The following ATRX variants were observed in gnomAD, a reference collection of about 807,000 sequenced individuals.
ATRX encodes ATRX chromatin remodeler.
ATRX carries 12 observed loss-of-function variants against 172.6 expected under a neutral mutation model. The observed-to-expected ratio is 0.07, with a 90% CI of 0.04 to 0.11. ATRX has a LOEUF of 0.11. Ranked by LOEUF, ATRX falls within the 10% of genes least tolerant of loss-of-function variation. The pLI is 1.00. For missense variants in ATRX, 1,368 were observed against 1,767.4 expected (o/e 0.77, Z 4.05); for synonymous variants, 674 against 594.7 (o/e 1.13, Z -1.94).
rs1557097061 is a variant in ATRX, at chrX:77,616,713, T to C, written c.5466A>G (p.Ala1822=). 8.5e-7 allele frequency: 1 copy of C among 1,180,014 alleles called. No individual in the cohort carries two copies. Among genetic ancestry groups the C allele is most frequent in the South Asian group, 1.8e-5 (1 of 56,245 alleles). ...AGCVQRKDYT[A]LTKFLPPKHE... ...GTTTTGGAGGCAAGAATTTTGTTAATGCTGTATAATCTTTCCTCTGTAATT... is the reference window on the plus strand; with the variant it reads ...GTTTTGGAGGCAAGAATTTTGTTAACGCTGTATAATCTTTCCTCTGTAATT... The change falls in exon 22 of 35, where the codon GCA becomes GCG. Residue 1822 remains alanine, a synonymous_variant. Coordinates refer to ENST00000373344, the MANE Select transcript of ATRX (RefSeq NM_000489.6).
At chrX:77,640,963 T>C (rs1027258291) in intron 15 of ATRX, among the ~76,000 whole-genome samples, 6 of 111,343 alleles carry the variant, frequency 5.4e-5, no homozygotes, top group Admixed American at 2.9e-4. Context: ...CACATGGTGC[T>C]GGGAGGCATT....
intron 2 of ATRX, among the ~76,000 whole-genome samples, chrX:77,716,509 G>A (rs2073435582): frequency 9.3e-6 from 1 of 107,508 alleles, no homozygotes; most frequent in African/African-American, 3.4e-5. Flanking sequence ...CTAGCACTTC[G>A]GGAGGCCAAC....
At chrX:77,734,492 A>T (rs782254624) in intron 1 of ATRX, among the ~76,000 whole-genome samples, 5 of 112,275 alleles carry the variant, frequency 4.5e-5, no homozygotes, top group Non-Finnish European at 9.4e-5. Flanking sequence ...CGGAAGAATG[A>T]AACTAGACTC....
intron 1 of ATRX, among the ~76,000 whole-genome samples, chrX:77,785,062 A>C (rs1239323578): frequency 1.8e-5 from 2 of 111,730 alleles, no homozygotes; most frequent in African/African-American, 6.5e-5. Flanking sequence ...ACCCGTCAAG[A>C]GGCAAATCAG....
At chrX:77,595,979 T>A (rs1557083655) in intron 25 of ATRX, 1 of 111,583 alleles carries the variant, frequency 9.0e-6, no homozygotes, top group African/African-American at 3.3e-5. Context: ...CATAGTCATT[T>A]CGTGATCATG....
chrX:77,646,093 C>A (rs1557113499), intron 15 of ATRX, among the ~76,000 whole-genome samples: 1 of 111,454 alleles, frequency 9.0e-6, no homozygotes, highest in Non-Finnish European at 1.9e-5. Flanking sequence ...CACAAAATGG[C>A]AGAAGTAAAT....
chrX:77,782,007 A>G lies in ATRX; in HGVS notation c.20+3975T>C, dbSNP rs1454900501. ...TATCTTATCTCTAGAAATACAATAC[A>G]TAACTGAAAGCTCAAGGCCAACTAT... On this transcript the variant is annotated intron_variant, in intron 1 of 34. Coordinates refer to ENST00000373344, the MANE Select transcript of ATRX (RefSeq NM_000489.6). Among the ~76,000 whole-genome samples, 6 of 112,383 alleles carry G rather than the reference A, an allele frequency of 5.3e-5. No homozygotes were observed. In the East Asian group the frequency reaches 1.1e-3, roughly 21 times the overall value.
intron 15 of ATRX, among the ~76,000 whole-genome samples, chrX:77,638,334 G>A (rs918454272): frequency 1.8e-5 from 2 of 112,374 alleles, no homozygotes; most frequent in African/African-American, 3.2e-5. Flanking sequence ...TTAGCCAAGC[G>A]CAGTGGCGCG....
intron 1 of ATRX, among the ~76,000 whole-genome samples, chrX:77,718,630 T>C (rs1313405579): frequency 9.0e-6 from 1 of 111,249 alleles, no homozygotes; most frequent in Admixed American, 9.6e-5. Flanking sequence ...CATCTCGGCC[T>C]CCCAAAGTGC....
At chrX:77,734,710 G>A (rs938019134) in intron 1 of ATRX, among the ~76,000 whole-genome samples, 1 of 109,791 alleles carries the variant, frequency 9.1e-6, no homozygotes, top group Admixed American at 9.7e-5. Flanking sequence ...TCGCTTGAAC[G>A]CAGGAGGCAG....
intron 30 of ATRX, among the ~76,000 whole-genome samples, chrX:77,529,168 AC>A (rs782796913): frequency 5.5e-4 from 62 of 111,953 alleles, no homozygotes; most frequent in African/African-American, 2.0e-3. Flanking sequence ...AGGAGACCAA[AC>A]CTACGACTGA....
rs1557096992 is a variant in ATRX at position 77,616,637 on chromosome X, G to C, written c.5542C>G (p.Gln1848Glu). ...RMTSIQCKLY[Q>E]YYLDHLTGVG... The stretch of plus-strand genomic sequence containing the variant: ...CCTGTTAAGTGATCTAAGTAGTACT[G>C]ATAGAGCTTGCACTGAATAGAAGTC... Residue 1848 changes from glutamine (Q) to glutamate (E), a missense_variant, in exon 22 of 35, where the codon CAG (glutamine) becomes GAG (glutamate). Coordinates refer to ENST00000373344, the MANE Select transcript of ATRX (RefSeq NM_000489.6). 4 of 1,198,180 alleles carry C rather than the reference G, an allele frequency of 3.3e-6. No individual in the cohort carries two copies. The highest frequency in any genetic ancestry group is 3.0e-5 in the East Asian group (1 of 33,617).
chrX:77,648,145 A>C lies in ATRX; in HGVS notation c.4557+3969T>G, dbSNP rs782221300. Among the ~76,000 whole-genome samples the C allele has an allele frequency of 2.7e-5, 3 of 111,888 alleles. No homozygotes were observed. In the East Asian group the frequency reaches 8.3e-4, roughly 31 times the overall value. On this transcript the variant is annotated intron_variant, in intron 15 of 34. Coordinates refer to ENST00000373344, the MANE Select transcript of ATRX (RefSeq NM_000489.6). ...TCCAGCAAACATGAAGCAAAATCTGAGAGACCTACAAGGAGAAAGAGATGA... is the reference window on the plus strand; with the variant it reads ...TCCAGCAAACATGAAGCAAAATCTGCGAGACCTACAAGGAGAAAGAGATGA...
chrX:77,609,446 C>T (rs181829407), intron 22 of ATRX, among the ~76,000 whole-genome samples: 8 of 111,810 alleles, frequency 7.2e-5, no homozygotes, highest in Admixed American at 1.9e-4. Flanking sequence ...TGAAACAGCA[C>T]GAAAGACAAA....
intron 15 of ATRX, among the ~76,000 whole-genome samples, chrX:77,648,625 T>C (rs1244498329): frequency 3.8e-5 from 1 of 26,576 alleles, no homozygotes; most frequent in African/African-American, 6.6e-5. Flanking sequence ...CAAAGCTGCG[T>C]TTTTTTTTTT....
intron 30 of ATRX, among the ~76,000 whole-genome samples, chrX:77,528,601 A>G (rs917771156): frequency 1.8e-4 from 20 of 110,276 alleles, no homozygotes; most frequent in Non-Finnish European, 3.4e-4. Flanking sequence ...ACAGAAAACA[A>G]CAGCAGCAAT....
At chrX:77,517,328 T>C (rs781904965) in intron 34 of ATRX, among the ~76,000 whole-genome samples, 3 of 110,927 alleles carry the variant, frequency 2.7e-5, no homozygotes, top group Non-Finnish European at 5.7e-5. Flanking sequence ...AAATCAGAGA[T>C]CAAAAAGTAG....
chrX:77,724,388 A>C (rs1314323965), intron 1 of ATRX, among the ~76,000 whole-genome samples: 1 of 110,477 alleles, frequency 9.1e-6, no homozygotes, highest in East Asian at 2.8e-4. Context: ...AAAGAAAAAA[A>C]AAACTTCACT....
chrX:77,630,959 G>A (rs1260171829), intron 19 of ATRX, among the ~76,000 whole-genome samples: 1 of 111,243 alleles, frequency 9.0e-6, no homozygotes, highest in African/African-American at 3.3e-5. Context: ...AGAATGGAAG[G>A]ATATATTTGC....
Sources: gnomAD v4.1 joint callset for allele counts (sites outside exome capture counted in the v4.1 genomes callset) on GRCh38, gnomAD v4.1.1 for gene constraint, MANE v1.5 for transcripts, NCBI Gene and HGNC (gene_info 2026-07-23, HGNC 2026-07-21) for gene names.